The following RMDN2 variants were observed in gnomAD, a reference collection of about 807,000 sequenced individuals.
RMDN2 encodes regulator of microtubule dynamics 2.
RMDN2 carries 61 observed loss-of-function variants against 52.8 expected under a neutral mutation model. The ratio of observed to expected loss-of-function variants is 1.16; its 90% CI spans 0.94 to 1.43. The LOEUF (loss-of-function observed/expected upper bound fraction) is 1.43. Among genes scored for constraint, RMDN2 ranks in the 40% most tolerant of loss-of-function variants. RMDN2 has a pLI of 0.00. For missense variants in RMDN2, 592 were observed against 475.3 expected (o/e 1.25, Z -2.28); for synonymous variants, 180 against 153.1 (o/e 1.18, Z -1.30).
chr2:37,992,323 G>T (rs1031373893), intron 7 of RMDN2, among the ~76,000 whole-genome samples: 1 of 152,154 alleles, frequency 6.6e-6, no homozygotes, highest in Non-Finnish European at 1.5e-5. Context: ...AAGGAGTAAA[G>T]GTATATCATC....
intron 10 of RMDN2, among the ~76,000 whole-genome samples, chr2:38,009,984 CCT>C (rs1413812172): frequency 1.3e-5 from 2 of 152,124 alleles, no homozygotes; most frequent in Non-Finnish European, 2.9e-5. Context: ...CACTCCAGAC[CCT>C]GTTTGCCTGG....
rs140107404 is a variant in RMDN2 at position 38,023,935 on chromosome 2, C to G, written c.1713+19719C>G. 1.3e-3 allele frequency among the ~76,000 whole-genome samples: 198 copies of G among 152,302 alleles called. 1 individual carries two copies. Among genetic ancestry groups the G allele is most frequent in the African/African-American group, 4.6e-3 (190 of 41,568 alleles). On this transcript the variant is annotated intron_variant, in intron 10 of 10. Coordinates refer to the RMDN2 transcript ENST00000234195. The stretch of plus-strand genomic sequence containing the variant: ...TTCTTCATGCCCCTTGGTAATCTCT[C>G]CCTCTTGCATCTCTCTCTGCAACCC...
intron 10 of RMDN2, among the ~76,000 whole-genome samples, chr2:38,055,635 AC>A (rs1332178278): frequency 1.3e-5 from 2 of 152,162 alleles, no homozygotes; most frequent in Non-Finnish European, 2.9e-5. Context: ...TCCCTTCATG[AC>A]TACAAGATCA....
chr2:38,039,562 C>G (rs180712876), intron 10 of RMDN2, among the ~76,000 whole-genome samples: 53 of 152,298 alleles, frequency 3.5e-4, no homozygotes, highest in African/African-American at 1.3e-3. Flanking sequence ...ATTTTTTCTG[C>G]CTTTTCACTC....
chr2:37,982,044 T>TA (rs1199006758), intron 5 of RMDN2, among the ~76,000 whole-genome samples: 14 of 152,152 alleles, frequency 9.2e-5, no homozygotes, highest in Non-Finnish European at 1.6e-4. Flanking sequence ...AGTGGGAAGA[T>TA]ACAATAATAA....
Position 38,028,664 on chromosome 2 carries a change from C to A in RMDN2, c.1713+24448C>A, listed in dbSNP as rs576202768. Among the ~76,000 whole-genome samples the A allele has an allele frequency of 3.9e-5, 6 of 152,322 alleles. No homozygotes were observed. The South Asian group carries it at 1.2e-3, about 32-fold the overall frequency. The stretch of plus-strand genomic sequence containing the variant: ...CTGTGCTGCAGCCTCTGGTCCAGCT[C>A]TGCCCGCTGCAGCCCCTGGGCCAGC... On this transcript the variant is annotated intron_variant, in intron 10 of 10. Transcript: ENST00000234195.
chr2:38,002,258 G>A (rs1336573133), intron 8 of RMDN2, among the ~76,000 whole-genome samples: 2 of 151,996 alleles, frequency 1.3e-5, no homozygotes, highest in Non-Finnish European at 2.9e-5. Flanking sequence ...TCAACTTCTG[G>A]GAATCTCCCT....
intron 2 of RMDN2, among the ~76,000 whole-genome samples, chr2:37,955,234 G>A (rs530529052): frequency 5.3e-5 from 8 of 152,080 alleles, no homozygotes; most frequent in South Asian, 2.1e-4. Context: ...GTACTATGTC[G>A]AACAGAAGTG....
intron 10 of RMDN2, among the ~76,000 whole-genome samples, chr2:38,006,863 T>A (rs78712194): frequency 0.34 from 51,910 of 152,000 alleles, 10,058 homozygotes; most frequent in East Asian, 0.67. Context: ...GCTCTTATTA[T>A]TTTGAGATAC....
Position 38,017,191 on chromosome 2 carries a change from A to G in RMDN2, c.1185A>G (p.Lys395=), listed in dbSNP as rs1355924128. ...TATTTGTATTTTCTTTATAGGATAA[A>G]GAGGCACAGAAAGAGATGCAAAAAA... is the stretch of plus-strand genomic sequence containing the variant. ...LLLPTVTKED[K]EAQKEMQKIM... The change falls in exon 11 of 11, where the codon AAA becomes AAG. Residue 395 remains lysine (K), a synonymous_variant. Transcript: ENST00000354545. The G allele has an allele frequency of 1.1e-5, 17 of 1,524,778 alleles. No homozygotes were observed. The highest frequency in any genetic ancestry group is 1.8e-4 in the Middle Eastern group (1 of 5,446). 94.5% of individuals were successfully genotyped at this position (1,524,778 alleles called of 1,614,324 possible).
At position 37,929,680 on chromosome 2, in the gene RMDN2, C is replaced by T; in HGVS notation, c.403C>T (p.Gln135Ter). The change falls in exon 2 of 11, where the codon CAA (glutamine) becomes TAA (stop). Residue 135 changes from glutamine (Q) to a stop codon, truncating the protein, a stop_gained. Transcript: ENST00000354545. LOFTEE classifies it high-confidence loss of function. ...GAGAAAAAGAAGACTCCCCACAATT[C>T]AAAGTTCAGCAACAAGTAATAGTTC... is the stretch of plus-strand genomic sequence containing the variant. ...RARKRRLPTI[Q>*]SSATSNSSEE... 6.5e-7 allele frequency: 1 copy of T among 1,529,834 alleles called. No homozygotes were observed. The highest frequency in any genetic ancestry group is 1.3e-5 in the South Asian group (1 of 78,476). 94.8% of individuals were successfully genotyped at this position (1,529,834 alleles called of 1,614,324 possible).
rs139354451 is a variant in RMDN2, at chr2:37,956,102, T to G, written c.453-17938T>G. On this transcript the variant is annotated intron_variant, in intron 2 of 10. Coordinates refer to ENST00000354545, the MANE Select transcript of RMDN2 (RefSeq NM_001170791.3). ...GAGTGTTTCTTCCTCTTCAGTGTTT[T>G]GGAAGAGTTTGAGGAAGACTGCTGT... Among the ~76,000 whole-genome samples the G allele has an allele frequency of 9.8e-4, 149 of 152,316 alleles. 2 individuals are homozygous for G. In the East Asian group the frequency reaches 0.022, roughly 23 times the overall value.
intron 10 of RMDN2, chr2:38,027,504 C>T (rs1232925661): frequency 6.6e-6 from 1 of 152,100 alleles, no homozygotes; most frequent in African/African-American, 2.4e-5. Context: ...AAAAAAACCT[C>T]GAAAGTATTA....
At position 37,985,125 on chromosome 2, in the gene RMDN2, T is replaced by A. The variant is rs76614153; in HGVS notation, c.791+3782T>A. ...ATGGTATTTATAAATCATGGGGTTT[T>A]TTTTCCCTTGACTCAGAGTAACTTG... On this transcript the variant is annotated intron_variant, in intron 5 of 10. Coordinates refer to ENST00000354545, the MANE Select transcript of RMDN2 (RefSeq NM_001170791.3). 9.1e-4 allele frequency among the ~76,000 whole-genome samples: 138 copies of A among 152,304 alleles called. 2 individuals are homozygous for A. The East Asian group carries it at 0.022, about 25-fold the overall frequency.
chr2:37,978,254 AGTC>A (rs1204711676), intron 4 of RMDN2, among the ~76,000 whole-genome samples: 2 of 139,774 alleles, frequency 1.4e-5, no homozygotes, highest in African/African-American at 5.3e-5. Context: ...GGTTGCAGTG[AGTC>A]GAGATGGCGG....
chr2:37,950,702 G>A, intron 2 of RMDN2: 1 of 1,071,854 alleles, frequency 9.3e-7, no homozygotes, highest in Non-Finnish European at 1.4e-6. Flanking sequence ...GGATATCCTG[G>A]ACTGTCCAGA....
chr2:38,004,972 G>C lies in RMDN2; in HGVS notation c.1179+756G>C. Among the ~76,000 whole-genome samples the C allele has an allele frequency of 1.3e-5, 2 of 151,952 alleles. 1 individual carries two copies. Among genetic ancestry groups the C allele is most frequent in the South Asian group, 4.1e-4 (2 of 4,822 alleles). On this transcript the variant is annotated intron_variant, in intron 10 of 10. Transcript: ENST00000354545. ...TGTTTGGTTTTTTGTCCTTGCGATAGTTTGCTGAGAATGATGGTTTCCAGC... is the reference window on the plus strand; with the variant it reads ...TGTTTGGTTTTTTGTCCTTGCGATACTTTGCTGAGAATGATGGTTTCCAGC...
chr2:38,016,997 T>TA lies in RMDN2; in HGVS notation c.1180-181dup, dbSNP rs201691159. On this transcript the variant is annotated intron_variant, in intron 10 of 10. Coordinates refer to ENST00000354545, the MANE Select transcript of RMDN2 (RefSeq NM_001170791.3). ...TTACAATGAAAAAAAAGAAAATTAT[T>TA]AAAAAAAATAATAAAACACTGTCAA... is the stretch of plus-strand genomic sequence containing the variant. Among the ~76,000 whole-genome samples the TA allele has an allele frequency of 8.1e-3, 1,226 of 151,924 alleles. 11 individuals carry two copies. The highest frequency in any genetic ancestry group is 0.028 in the African/African-American group (1,163 of 41,448).
At chr2:37,987,670 C>T (rs529779173) in intron 5 of RMDN2, among the ~76,000 whole-genome samples, 4 of 152,190 alleles carry the variant, frequency 2.6e-5, no homozygotes, top group Non-Finnish European at 5.9e-5. Flanking sequence ...CAAGTACAAA[C>T]CATATTGTAA....
Sources: allele counts gnomAD v4.1 joint callset (sites outside exome capture counted in the v4.1 genomes callset), GRCh38; gene constraint gnomAD v4.1.1; transcripts MANE v1.5; gene names NCBI Gene and HGNC (gene_info 2026-07-23, HGNC 2026-07-21).